Variants in LRBA observed in about 807,000 individuals in gnomAD.
LRBA encodes the protein lipopolysaccharide-responsive and beige-like anchor protein.
LRBA carries 176 observed loss-of-function variants against 330.0 expected under a neutral mutation model. That is an observed-to-expected ratio of 0.53 (90% CI 0.47 to 0.60). The LOEUF is 0.60. LRBA is among the 20% of genes least tolerant of loss of function. The pLI is 0.00. For synonymous variants in LRBA, 1,230 were observed against 1,193.0 expected (o/e 1.03, Z -0.64); for missense variants, 3,259 against 3,444.8 (o/e 0.95, Z 1.35).
intron 2 of LRBA, among the ~76,000 whole-genome samples, chr4:150,935,801 C>T (rs1735029036): frequency 6.6e-6 from 1 of 151,788 alleles, no homozygotes; most frequent in African/African-American, 2.4e-5. Context: ...AGAGTGTCAT[C>T]ACAAGCATTA....
chr4:150,470,799 T>C (rs1756009029), intron 43 of LRBA, among the ~76,000 whole-genome samples: 1 of 151,896 alleles, frequency 6.6e-6, no homozygotes, highest in South Asian at 2.1e-4. Context: ...TTGTTCCTTC[T>C]TTTTTAATTC....
chr4:150,940,776 G>A, intron 2 of LRBA, among the ~76,000 whole-genome samples: 1 of 151,910 alleles, frequency 6.6e-6, no homozygotes, highest in East Asian at 1.9e-4. Context: ...TTATTTAAAA[G>A]TTCTATTTGT....
At chr4:150,722,009 T>A (rs2127083768) in intron 36 of LRBA, among the ~76,000 whole-genome samples, 1 of 152,314 alleles carries the variant, frequency 6.6e-6, no homozygotes, top group African/African-American at 2.4e-5. Context: ...TTTAAAGAAT[T>A]CTTCAATTCC....
At chr4:150,688,962 T>C (rs1277948660) in intron 36 of LRBA, among the ~76,000 whole-genome samples, 1 of 152,196 alleles carries the variant, frequency 6.6e-6, no homozygotes, top group East Asian at 1.9e-4. Flanking sequence ...TTACTGGGTA[T>C]ACACCCAAAG....
intron 2 of LRBA, among the ~76,000 whole-genome samples, chr4:150,951,349 C>T (rs1045022554): frequency 5.9e-5 from 9 of 151,538 alleles, no homozygotes; most frequent in African/African-American, 1.7e-4. Context: ...TGACAGTCTA[C>T]GTTAGACTCA....
intron 37 of LRBA, among the ~76,000 whole-genome samples, chr4:150,625,060 G>C (rs1370687746): frequency 6.6e-6 from 1 of 152,170 alleles, no homozygotes; most frequent in Non-Finnish European, 1.5e-5. Context: ...ATTGAAAAAT[G>C]TATGTTAATA....
At chr4:150,918,854 A>G (rs1732936598) in intron 5 of LRBA, among the ~76,000 whole-genome samples, 1 of 152,206 alleles carries the variant, frequency 6.6e-6, no homozygotes, top group African/African-American at 2.4e-5. Context: ...GCTACTTTGG[A>G]AAACAGTCTG....
intron 37 of LRBA, among the ~76,000 whole-genome samples, chr4:150,639,894 C>A (rs547151179): frequency 8.1e-6 from 1 of 123,648 alleles, no homozygotes; most frequent in Non-Finnish European, 1.7e-5. Context: ...TTCGCTCTTG[C>A]TGCCCAGGCT....
intron 37 of LRBA, among the ~76,000 whole-genome samples, chr4:150,607,250 G>T (rs1338456250): frequency 2.6e-5 from 4 of 152,134 alleles, no homozygotes; most frequent in Admixed American, 2.0e-4. Flanking sequence ...GGTTTAATAT[G>T]ATCAGGCTTG....
At chr4:150,598,870 A>C in intron 38 of LRBA, 137 bp downstream of exon 38, 1 of 957,484 alleles carries the variant, frequency 1.0e-6, no homozygotes, top group Non-Finnish European at 1.5e-6. Flanking sequence ...AAAAAAATTT[A>C]ACTTCTCTTT....
chr4:150,963,352 G>GT (rs1415659426), intron 2 of LRBA, among the ~76,000 whole-genome samples: 1 of 149,410 alleles, frequency 6.7e-6, no homozygotes, highest in East Asian at 1.9e-4. Context: ...CACCTGACTG[G>GT]TTTTCGTATT....
At chr4:150,567,185 C>CTA (rs1447986673) in intron 40 of LRBA, among the ~76,000 whole-genome samples, 1 of 152,040 alleles carries the variant, frequency 6.6e-6, no homozygotes, top group Non-Finnish European at 1.5e-5. Flanking sequence ...ATAACAACTG[C>CTA]TACTTGGCCC....
chr4:150,704,481 C>T lies in LRBA; in HGVS notation c.5755-20764G>A, dbSNP rs1785421782. ...CACAAAAAGAGCCACTGATCTAAAT[C>T]AAATTTTTCTTAGGTCAGGGTATTT... On this transcript the variant is annotated intron_variant, in intron 36 of 56. Transcript: ENST00000651943. Among the ~76,000 whole-genome samples, 3 of 151,848 alleles carry T rather than the reference C, an allele frequency of 2.0e-5. No homozygotes were observed. The South Asian group carries it at 6.2e-4, about 32-fold the overall frequency.
chr4:150,919,841 C>T lies in LRBA; in HGVS notation c.645+1357G>A, dbSNP rs565847118. On this transcript the variant is annotated intron_variant, in intron 5 of 56. Coordinates refer to ENST00000651943, the MANE Select transcript of LRBA (RefSeq NM_001364905.1). ...TTCAAGTTTCAAAAGCTGTTCAGCT[C>T]ACCTGCCCTACTTTCAAGATAAATG... Among the ~76,000 whole-genome samples the T allele has an allele frequency of 2.5e-3, 387 of 152,314 alleles. 1 individual carries two copies. Among genetic ancestry groups the T allele is most frequent in the African/African-American group, 8.6e-3 (358 of 41,572 alleles).
chr4:150,539,750 G>A (rs2152221323), intron 40 of LRBA, among the ~76,000 whole-genome samples: 1 of 152,326 alleles, frequency 6.6e-6, no homozygotes, highest in East Asian at 1.9e-4. Context: ...CTGGAGAACA[G>A]TAACTGAGAT....
At chr4:150,970,712 T>C (rs549350310) in intron 2 of LRBA, 2 of 152,060 alleles carry the variant, frequency 1.3e-5, no homozygotes, top group Admixed American at 6.6e-5. Flanking sequence ...CCTGTACTAA[T>C]CAGGCCTAAC....
At chr4:150,618,867 T>C (rs377316617) in intron 37 of LRBA, among the ~76,000 whole-genome samples, 5 of 141,636 alleles carry the variant, frequency 3.5e-5, no homozygotes, top group African/African-American at 1.1e-4. Flanking sequence ...TATATATATA[T>C]ATATACACAC....
chr4:150,424,631 A>G (rs915165310), intron 46 of LRBA, among the ~76,000 whole-genome samples: 25 of 150,430 alleles, frequency 1.7e-4, no homozygotes, highest in Non-Finnish European at 2.2e-4. Context: ...GCACACACGC[A>G]CACACACACA....
rs142972868 is a variant in LRBA, at chr4:150,691,964, G to C, written c.5755-8247C>G. Reference sequence around the variant, plus strand: ...GATTCCATGTATATAAAATTTTATAGCAGATAAAACTATCTATAATAACAG... The same window carrying C: ...GATTCCATGTATATAAAATTTTATACCAGATAAAACTATCTATAATAACAG... On this transcript the variant is annotated intron_variant, in intron 36 of 56. Transcript: ENST00000651943. Among the ~76,000 whole-genome samples the C allele has an allele frequency of 4.2e-3, 636 of 152,110 alleles. 3 individuals carry two copies. Among genetic ancestry groups the C allele is most frequent in the African/African-American group, 0.015 (615 of 41,490 alleles).
Sources: allele counts gnomAD v4.1 joint callset (sites outside exome capture counted in the v4.1 genomes callset), GRCh38; gene constraint gnomAD v4.1.1; transcripts MANE v1.5; gene names NCBI Gene and HGNC (gene_info 2026-07-23, HGNC 2026-07-21).